Variants in BCAS3 observed in about 807,000 individuals in gnomAD.
The protein encoded by BCAS3 is BCAS3 microtubule associated cell migration factor.
BCAS3 carries 53 observed loss-of-function variants against 116.1 expected under a neutral mutation model. The observed-to-expected ratio is 0.46, with a 90% confidence interval of 0.37 to 0.57. BCAS3 has a LOEUF of 0.57. BCAS3 is among the 20% of genes least tolerant of loss of function. BCAS3 has a pLI of 0.00. For synonymous variants in BCAS3, 391 were observed against 408.2 expected (o/e 0.96, Z 0.51); for missense variants, 917 against 1,165.4 (o/e 0.79, Z 3.10).
At chr17:61,284,188 G>C (rs1365384576) in intron 22 of BCAS3, among the ~76,000 whole-genome samples, 2 of 152,152 alleles carry the variant, frequency 1.3e-5, no homozygotes, top group Non-Finnish European at 2.9e-5. Flanking sequence ...AGCAGGATGT[G>C]GGCAGGGCCA....
intron 14 of BCAS3, among the ~76,000 whole-genome samples, chr17:60,971,710 G>T (rs549573360): frequency 6.6e-6 from 1 of 152,178 alleles, no homozygotes; most frequent in Non-Finnish European, 1.5e-5. Flanking sequence ...TAAAGTGGCT[G>T]TAATACCCAA....
At chr17:61,263,523 C>T (rs896211025) in intron 22 of BCAS3, among the ~76,000 whole-genome samples, 4 of 152,210 alleles carry the variant, frequency 2.6e-5, no homozygotes. Context: ...TCATGGGACA[C>T]AGAACAAGGT....
rs60391210 is a variant in BCAS3, at chr17:61,106,548, C to T, written c.2425+21984C>T. On this transcript the variant is annotated intron_variant, in intron 22 of 23. Transcript: ENST00000407086. The surrounding 1 kb of genome is among the most constrained non-coding windows in gnomAD (Gnocchi z 4.2). ...ATGAAATCACCTAATAACACACTTT[C>T]TCAGAACACATCTTTGTTGTTAAGC... Among the ~76,000 whole-genome samples the T allele has an allele frequency of 0.1, 15,285 of 152,210 alleles. 2,317 individuals carry two copies. The highest frequency in any genetic ancestry group is 0.33 in the African/African-American group (13,731 of 41,470).
intron 22 of BCAS3, among the ~76,000 whole-genome samples, chr17:61,185,803 C>T (rs1246287903): frequency 6.6e-6 from 1 of 152,122 alleles, no homozygotes; most frequent in African/African-American, 2.4e-5. Context: ...AAATCGGTTA[C>T]CTTATACAGT....
chr17:61,384,211 C>T (rs1376289641), intron 23 of BCAS3, among the ~76,000 whole-genome samples: 1 of 152,244 alleles, frequency 6.6e-6, no homozygotes, highest in African/African-American at 2.4e-5. Flanking sequence ...CCCTAAATGG[C>T]ATCAGCCAAG....
intron 12 of BCAS3, among the ~76,000 whole-genome samples, chr17:60,914,290 G>A (rs914410561): frequency 6.6e-6 from 1 of 152,136 alleles, no homozygotes; most frequent in Non-Finnish European, 1.5e-5. Flanking sequence ...TGATGCAATG[G>A]AGAAGATTCT....
At chr17:61,294,530 CT>C (rs1317438932) in intron 22 of BCAS3, among the ~76,000 whole-genome samples, 1 of 152,102 alleles carries the variant, frequency 6.6e-6, no homozygotes, top group Non-Finnish European at 1.5e-5. Flanking sequence ...AGAAATAGAC[CT>C]TTTGTCTAGT....
intron 22 of BCAS3, among the ~76,000 whole-genome samples, chr17:61,299,704 G>A (rs1217839809): frequency 6.6e-6 from 1 of 152,186 alleles, no homozygotes; most frequent in Non-Finnish European, 1.5e-5. Flanking sequence ...CAGCAAGTGA[G>A]TGATGAGCCA....
chr17:61,379,915 T>A lies in BCAS3; in HGVS notation c.2593+11421T>A, dbSNP rs2059525609. ...CCAGTTGGCCAGGGCCAGCGTGCCATCTCCATGCTGGTGTGTGTGACTGTT... is the reference window on the plus strand; with the variant it reads ...CCAGTTGGCCAGGGCCAGCGTGCCAACTCCATGCTGGTGTGTGTGACTGTT... On this transcript the variant is annotated intron_variant, in intron 23 of 23. Transcript: ENST00000407086. This position sits in a 1 kb window ranked among gnomAD's most constrained non-coding sequence, Gnocchi z 5.5. 1 of 152,724 alleles carries A rather than the reference T, an allele frequency of 6.5e-6. No individual in the cohort carries two copies. Among genetic ancestry groups the A allele is most frequent in the African/African-American group, 2.4e-5 (1 of 41,434 alleles). The allele number at this position is 152,724 out of a possible 1,614,324, so 9.5% of individuals were successfully genotyped here. A position where few individuals can be genotyped will look rare whatever the true frequency, so the allele number is the denominator to read the frequency against.
In BCAS3 at chr17:61,381,012, T is replaced by C. The variant is rs8067367; in HGVS notation, c.2594-10965T>C. On this transcript the variant is annotated intron_variant, in intron 23 of 23. Coordinates refer to ENST00000407086, the MANE Select transcript of BCAS3 (RefSeq NM_017679.5). This position sits in a 1 kb window ranked among gnomAD's most constrained non-coding sequence, Gnocchi z 6.0. ...TGTCTCTATTTTTACATCATTAGATTAGCCCCGACTCCTGGCCACTTGTTG... is the reference window on the plus strand; with the variant it reads ...TGTCTCTATTTTTACATCATTAGATCAGCCCCGACTCCTGGCCACTTGTTG... Among the ~76,000 whole-genome samples the C allele has an allele frequency of 5.3e-5, 8 of 152,240 alleles. No homozygotes were observed. The highest frequency in any genetic ancestry group is 1.9e-4 in the African/African-American group (8 of 41,468).
chr17:61,149,882 G>A (rs761762061), intron 22 of BCAS3, among the ~76,000 whole-genome samples: 1 of 152,198 alleles, frequency 6.6e-6, no homozygotes, highest in Admixed American at 6.5e-5. Context: ...GTAGCTCAGA[G>A]AGGTTAAACT....
chr17:60,915,370 G>T (rs2058726295), intron 12 of BCAS3, among the ~76,000 whole-genome samples: 2 of 151,860 alleles, frequency 1.3e-5, no homozygotes, highest in Non-Finnish European at 1.5e-5. Flanking sequence ...TGTTTATGTG[G>T]GCATGTATAG....
At chr17:60,769,313 G>A (rs2044414769) in intron 6 of BCAS3, among the ~76,000 whole-genome samples, 1 of 152,210 alleles carries the variant, frequency 6.6e-6, no homozygotes, top group Non-Finnish European at 1.5e-5. Flanking sequence ...TCCTGCCACT[G>A]AGGAGAGTGA....
At chr17:60,781,294 C>A (rs540168681) in intron 6 of BCAS3, among the ~76,000 whole-genome samples, 4 of 150,570 alleles carry the variant, frequency 2.7e-5, no homozygotes, top group Admixed American at 2.6e-4. Flanking sequence ...TTTTTGCCAT[C>A]TTTCTCAAAG....
chr17:60,706,076 T>A (rs73332401), intron 4 of BCAS3, among the ~76,000 whole-genome samples: 10,616 of 152,078 alleles, frequency 0.07, 1,237 homozygotes, highest in African/African-American at 0.24. Context: ...ACTTTTTTTT[T>A]ATGGAGATGG....
intron 22 of BCAS3, among the ~76,000 whole-genome samples, chr17:61,342,246 G>A (rs1462748532): frequency 6.6e-6 from 1 of 152,210 alleles, no homozygotes; most frequent in Non-Finnish European, 1.5e-5. Context: ...ACACAACGGT[G>A]CACAATTGAA....
At chr17:60,684,485 G>C (rs1190548858) in intron 3 of BCAS3, among the ~76,000 whole-genome samples, 2 of 151,742 alleles carry the variant, frequency 1.3e-5, no homozygotes, top group African/African-American at 4.8e-5. Context: ...TACTCTAACT[G>C]ATAAAAGATT....
At chr17:60,841,319 T>C (rs569272307) in intron 7 of BCAS3, among the ~76,000 whole-genome samples, 2 of 152,114 alleles carry the variant, frequency 1.3e-5, no homozygotes, top group African/African-American at 4.8e-5. Context: ...ATGGGTTATC[T>C]ACTGGTATAT....
intron 22 of BCAS3, among the ~76,000 whole-genome samples, chr17:61,292,259 A>G (rs1008005710): frequency 6.6e-6 from 1 of 152,086 alleles, no homozygotes; most frequent in Non-Finnish European, 1.5e-5. Context: ...TTTCCTTGCC[A>G]TTGAACATTC....
Sources: allele counts gnomAD v4.1 joint callset (sites outside exome capture counted in the v4.1 genomes callset), GRCh38; gene constraint gnomAD v4.1.1; non-coding constraint Gnocchi (gnomAD v3.1); transcripts MANE v1.5; gene names NCBI Gene and HGNC (gene_info 2026-07-23, HGNC 2026-07-21).